ADAMTSL3: variants seen among roughly 807,000 people sequenced by gnomAD.
ADAMTSL3 encodes ADAMTS like 3.
ADAMTSL3 carries 128 observed loss-of-function variants against 201.7 expected under a neutral mutation model. The observed-to-expected ratio is 0.63, with a 90% confidence interval of 0.55 to 0.73. The LOEUF is 0.73. ADAMTSL3 is among the 30% of genes least tolerant of loss of function. ADAMTSL3 has a pLI of 0.00. For synonymous variants in ADAMTSL3, 738 were observed against 748.4 expected, an observed-to-expected ratio of 0.99 and a Z score of 0.23; for missense variants, 1,990 against 2,119.6, an observed-to-expected ratio of 0.94 and a Z score of 1.20.
chr15:83,706,770 G>A (rs1472879571), intron 3 of ADAMTSL3, among the ~76,000 whole-genome samples: 5 of 81,998 alleles, frequency 6.1e-5, no homozygotes, highest in East Asian at 3.0e-4. Context: ...CTCAGCCCCC[G>A]CCCCCCACCC....
intron 3 of ADAMTSL3, among the ~76,000 whole-genome samples, chr15:83,728,091 G>A (rs2062207422): frequency 6.6e-6 from 1 of 151,868 alleles, no homozygotes; most frequent in Non-Finnish European, 1.5e-5. Context: ...TCCTCTTGGT[G>A]TTTTGACCTC....
At chr15:83,943,329 A>C (rs911709507) in intron 19 of ADAMTSL3, among the ~76,000 whole-genome samples, 1 of 152,128 alleles carries the variant, frequency 6.6e-6, no homozygotes, top group African/African-American at 2.4e-5. Context: ...CATTCTCCCA[A>C]ACCAGCCCCT....
At position 84,037,819 on chromosome 15, in the gene ADAMTSL3, G is replaced by C. The variant is rs1050181862; in HGVS notation, c.*13G>C. The C allele has an allele frequency of 1.9e-6, 3 of 1,603,230 alleles. No individual in the cohort carries two copies. Among genetic ancestry groups the C allele is most frequent in the Admixed American group, 3.5e-5 (2 of 56,348 alleles). On this transcript the variant is annotated 3_prime_UTR_variant, in exon 30 of 30. Transcript: ENST00000286744. ...TCAAGAGGGATAAACCTTTGGAGGG[G>C]TCATGATGCTGCTGTGAAGATAAAA...
At chr15:83,701,690 G>A (rs1027244240) in intron 2 of ADAMTSL3, among the ~76,000 whole-genome samples, 1 of 152,148 alleles carries the variant, frequency 6.6e-6, no homozygotes, top group Non-Finnish European at 1.5e-5. Context: ...CCACCATCAT[G>A]TAAGAAGTGC....
intron 4 of ADAMTSL3, among the ~76,000 whole-genome samples, chr15:83,794,664 G>T (rs1013319728): frequency 2.0e-5 from 3 of 151,918 alleles, no homozygotes; most frequent in African/African-American, 7.3e-5. Flanking sequence ...GATAGGGTGG[G>T]GGGGAGGAGA....
At chr15:83,684,150 A>T (rs1381005118) in intron 2 of ADAMTSL3, among the ~76,000 whole-genome samples, 1 of 152,210 alleles carries the variant, frequency 6.6e-6, no homozygotes, top group Non-Finnish European at 1.5e-5. Flanking sequence ...TCTCATAGAT[A>T]TTATAAGTTT....
chr15:83,999,998 T>C (rs2067763025), intron 23 of ADAMTSL3, among the ~76,000 whole-genome samples: 1 of 151,956 alleles, frequency 6.6e-6, no homozygotes, highest in Non-Finnish European at 1.5e-5. Context: ...GTTTATATTA[T>C]ATAGGGTGGA....
At chr15:83,907,712 T>C (rs1407602608) in intron 15 of ADAMTSL3, among the ~76,000 whole-genome samples, 3 of 152,200 alleles carry the variant, frequency 2.0e-5, no homozygotes, top group African/African-American at 7.2e-5. Context: ...CCAGATTTCA[T>C]TCTTTTTAAT....
At chr15:83,980,432 T>G (rs2067366491) in intron 20 of ADAMTSL3, among the ~76,000 whole-genome samples, 1 of 151,982 alleles carries the variant, frequency 6.6e-6, no homozygotes, top group Non-Finnish European at 1.5e-5. Context: ...TACCAGGGAG[T>G]CTTCCATACA....
In ADAMTSL3 at chr15:84,021,424, C is replaced by G. The variant is rs772501583; in HGVS notation, c.4288C>G (p.Pro1430Ala). Residue 1430 changes from proline to alanine, a missense_variant, in exon 26 of 30, where the codon CCT becomes GCT. Transcript: ENST00000286744. ...TCTTTCTGCAGAGCCTTTTTGGGAG[C>G]CTGGTAACTGGTCACATTGTTCTGC... The part of the protein sequence containing the change: ...EPPPQEPFWE[P>A]GNWSHCSATC... The G allele has an allele frequency of 1.2e-6, 2 of 1,613,818 alleles. No homozygotes were observed. The highest frequency in any genetic ancestry group is 8.5e-7 in the Non-Finnish European group (1 of 1,179,960).
chr15:83,892,598 C>A lies in ADAMTSL3; in HGVS notation c.1263-86C>A, dbSNP rs1041102543. 5.2e-6 allele frequency: 7 copies of A among 1,349,376 alleles called. No individual in the cohort carries two copies. In the South Asian group the frequency reaches 7.8e-5, roughly 15 times the overall value. The allele number at this position is 1,349,376 out of a possible 1,614,324, so 83.6% of individuals were successfully genotyped here. On this transcript the variant is annotated intron_variant, in intron 12 of 29. Transcript: ENST00000286744. ...CATTCAGCTGAACCACAATTGATAC[C>A]TTAAGGCCATACTTTTTGCCACCAT...
chr15:83,709,935 C>T (rs935293930), intron 3 of ADAMTSL3, among the ~76,000 whole-genome samples: 5 of 152,062 alleles, frequency 3.3e-5, no homozygotes, highest in Non-Finnish European at 7.4e-5. Flanking sequence ...GCCTCATGCA[C>T]ACTTTCCTAT....
chr15:83,942,328 G>GGT (rs1192667001), intron 17 of ADAMTSL3, among the ~76,000 whole-genome samples: 5 of 152,186 alleles, frequency 3.3e-5, no homozygotes, highest in Admixed American at 1.3e-4. Flanking sequence ...ATAGTGGTAG[G>GGT]ACAGGATGGG....
intron 3 of ADAMTSL3, among the ~76,000 whole-genome samples, chr15:83,762,773 TA>T (rs2062828115): frequency 6.6e-6 from 1 of 152,250 alleles, no homozygotes; most frequent in Non-Finnish European, 1.5e-5. Context: ...CCCTTTGTTT[TA>T]TTTTTCAGCT....
At chr15:83,786,077 A>G (rs56711701) in intron 4 of ADAMTSL3, among the ~76,000 whole-genome samples, 25,455 of 151,970 alleles carry the variant, frequency 0.17, 2,492 homozygotes, top group East Asian at 0.41. Flanking sequence ...CCTGACCTCA[A>G]GTGATCTGCC....
At chr15:83,840,948 A>T (rs1298292287) in intron 7 of ADAMTSL3, among the ~76,000 whole-genome samples, 1 of 152,190 alleles carries the variant, frequency 6.6e-6, no homozygotes, top group African/African-American at 2.4e-5. Context: ...GCTTTTGCCT[A>T]CTTGGCTGCA....
At chr15:83,802,670 G>T (rs1381270641) in intron 4 of ADAMTSL3, among the ~76,000 whole-genome samples, 3 of 152,194 alleles carry the variant, frequency 2.0e-5, no homozygotes, top group Non-Finnish European at 4.4e-5. Context: ...AAACCAACCA[G>T]TGGTTGCCAG....
intron 3 of ADAMTSL3, among the ~76,000 whole-genome samples, chr15:83,718,161 A>G (rs1460932169): frequency 8.5e-5 from 13 of 152,162 alleles, no homozygotes; most frequent in Non-Finnish European, 7.3e-5. Flanking sequence ...GCATAATAAC[A>G]ATGAGCAAAT....
At chr15:83,760,346 T>G (rs1205326575) in intron 3 of ADAMTSL3, among the ~76,000 whole-genome samples, 1 of 152,160 alleles carries the variant, frequency 6.6e-6, no homozygotes, top group Non-Finnish European at 1.5e-5. Flanking sequence ...CTTTTTTGCT[T>G]TGTTGTCAGA....
Sources: allele counts gnomAD v4.1 joint callset (sites outside exome capture counted in the v4.1 genomes callset), GRCh38; gene constraint gnomAD v4.1.1; transcripts MANE v1.5; gene names NCBI Gene and HGNC (gene_info 2026-07-23, HGNC 2026-07-21).